Variants in TSPAN16 observed in about 807,000 individuals in gnomAD.
The protein encoded by TSPAN16 is tetraspanin 16.
Under a neutral mutation model 25.2 loss-of-function variants are expected in TSPAN16, and 23 were observed. The ratio of observed to expected loss-of-function variants is 0.91; its 90% CI spans 0.66 to 1.29. TSPAN16 has a LOEUF of 1.29. TSPAN16 is among the 50% of genes most tolerant of loss of function. The pLI is 0.00. For synonymous variants in TSPAN16, 123 were observed against 124.4 expected (o/e 0.99, Z 0.08); for missense variants, 272 against 299.9 (o/e 0.91, Z 0.69).
chr19:11,325,462 C>T (rs770656530), intron 6 of TSPAN16: 6 of 1,612,044 alleles, frequency 3.7e-6, no homozygotes, highest in Non-Finnish European at 8.5e-7. Flanking sequence ...TTTCCCGTTG[C>T]TGCCTGAGCT....
intron 6 of TSPAN16, among the ~76,000 whole-genome samples, chr19:11,313,949 TA>T (rs1254922487): frequency 6.6e-5 from 10 of 152,278 alleles, no homozygotes; most frequent in African/African-American, 2.2e-4. Flanking sequence ...AAAAAGTAGA[TA>T]AAACCCAAAT....
chr19:11,316,039 G>T, downstream of TSPAN16: 1 of 941,030 alleles, frequency 1.1e-6, no homozygotes, highest in Non-Finnish European at 1.4e-6. Context: ...CTGAATGAGA[G>T]ACTATGCCCT....
At chr19:11,307,409 C>T (rs2080641415) in intron 5 of TSPAN16, among the ~76,000 whole-genome samples, 1 of 151,450 alleles carries the variant, frequency 6.6e-6, no homozygotes, top group Non-Finnish European at 1.5e-5. Flanking sequence ...CATGAGCCAC[C>T]ACACCCGGCC....
chr19:11,325,545 A>G (rs12981706), intron 6 of TSPAN16: 59,732 of 1,613,384 alleles, frequency 0.037, 1,784 homozygotes, highest in African/African-American at 0.15. Flanking sequence ...CCTGCTTCAC[A>G]TTGATGTTCT....
chr19:11,306,709 G>GTGTCC lies in TSPAN16; in HGVS notation c.560_564dup (p.Asp189ProfsTer22), dbSNP rs1285582410. On this transcript the variant is annotated frameshift_variant, in exon 5 of 7. Transcript: ENST00000590327. LOFTEE classifies it high-confidence loss of function. Reference sequence around the variant, plus strand: ...GAGTTGCTGTAAATCCATCGGAAGTGTGTCCTGTGACGGACGCGATGTGTC... The same window carrying GTGTCC: ...GAGTTGCTGTAAATCCATCGGAAGTGTGTCCTGTCCTGTGACGGACGCGATGTGTC... The GTGTCC allele has an allele frequency of 1.2e-6, 2 of 1,613,984 alleles. No homozygotes were observed. The highest frequency in any genetic ancestry group is 8.5e-7 in the Non-Finnish European group (1 of 1,180,040).
At chr19:11,302,563 G>A (rs2080565280) in intron 4 of TSPAN16, among the ~76,000 whole-genome samples, 1 of 138,966 alleles carries the variant, frequency 7.2e-6, no homozygotes, top group Admixed American at 7.5e-5. Flanking sequence ...GGATTTGCTA[G>A]ATTCTATGGC....
intron 5 of TSPAN16, chr19:11,306,970 C>G (rs2080635371): frequency 2.0e-6 from 1 of 496,316 alleles, no homozygotes; most frequent in South Asian, 2.5e-5. Flanking sequence ...CATGCACCGC[C>G]ACACCCGGCT....
rs533480397 is a variant in TSPAN16, at chr19:11,325,587, T to C, written c.688-1207T>C. ...CACTGGCTTCAAAGAACTCGAAACCTGGATGAATGTTAAGGTGGGGACACT... is the reference window on the plus strand; with the variant it reads ...CACTGGCTTCAAAGAACTCGAAACCCGGATGAATGTTAAGGTGGGGACACT... On this transcript the variant is annotated intron_variant, in intron 6 of 6. Transcript: ENST00000316737. 3.7e-6 allele frequency: 6 copies of C among 1,601,854 alleles called. No individual in the cohort carries two copies. In the African/African-American group the frequency reaches 4.1e-5, roughly 11 times the overall value.
rs563594132 is a variant in TSPAN16, at chr19:11,306,724, C to T, written c.571C>T (p.Arg191Cys). The stretch of plus-strand genomic sequence containing the variant: ...CATCGGAAGTGTGTCCTGTGACGGA[C>T]GCGATGTGTCTCCAAACGTCATCCA... ...KSIGSVSCDGRDVSPNVIHQK... is the reference protein window; with the variant it reads ...KSIGSVSCDGCDVSPNVIHQK... The change falls in exon 5 of 7, where the codon CGC (arginine) becomes TGC (cysteine). Residue 191 changes from arginine to cysteine, a missense_variant. Transcript: ENST00000590327. The T allele has an allele frequency of 1.5e-5, 25 of 1,613,968 alleles. No individual in the cohort carries two copies. The highest frequency in any genetic ancestry group is 2.1e-5 in the Non-Finnish European group (25 of 1,180,050).
intron 4 of TSPAN16, among the ~76,000 whole-genome samples, chr19:11,301,720 G>A (rs2080552142): frequency 6.6e-6 from 1 of 152,026 alleles, no homozygotes; most frequent in African/African-American, 2.4e-5. Flanking sequence ...AGGATCACTT[G>A]AGTCCAGGAA....
At chr19:11,318,485 A>AAG (rs2080760454), downstream of TSPAN16, among the ~76,000 whole-genome samples, 1 of 151,352 alleles carries the variant, frequency 6.6e-6, no homozygotes, top group Non-Finnish European at 1.5e-5. Context: ...AATTTAATTG[A>AAG]ACTGGGCTGT....
intron 4 of TSPAN16, among the ~76,000 whole-genome samples, chr19:11,301,587 T>C (rs1021506068): frequency 1.3e-5 from 2 of 150,374 alleles, no homozygotes; most frequent in Non-Finnish European, 3.0e-5. Context: ...TTGCAGTGAG[T>C]TGAGATGGCA....
intron 6 of TSPAN16, chr19:11,321,411 C>T (rs1000853154): frequency 6.6e-6 from 1 of 152,140 alleles, no homozygotes; most frequent in Non-Finnish European, 1.5e-5. Context: ...GGGGGAACCG[C>T]CCCCAGGATT....
In TSPAN16 at chr19:11,310,318, G is replaced by A. The variant is rs189598873; in HGVS notation, c.604-1821G>A. On this transcript the variant is annotated intron_variant, in intron 5 of 6. Coordinates refer to ENST00000590327, the MANE Select transcript of TSPAN16 (RefSeq NM_001282509.2). ...AGGTGTGTGGATCACCTGAGGTCAG[G>A]AGTTCACCAACATGGTGAAACCCCC... Among the ~76,000 whole-genome samples, 718 of 151,946 alleles carry A rather than the reference G, an allele frequency of 4.7e-3. 9 individuals carry two copies. The highest frequency in any genetic ancestry group is 0.026 in the Admixed American group (399 of 15,208).
At chr19:11,298,363 C>A in intron 2 of TSPAN16, 24 bp downstream of exon 2, 1 of 1,605,648 alleles carries the variant, frequency 6.2e-7, no homozygotes, top group Non-Finnish European at 8.5e-7. Context: ...GCACACAGAC[C>A]CCAGAACTGC....
downstream of TSPAN16, among the ~76,000 whole-genome samples, chr19:11,320,534 G>A (rs1207622077): frequency 6.6e-6 from 1 of 152,078 alleles, no homozygotes; most frequent in Non-Finnish European, 1.5e-5. Flanking sequence ...TCAGCTGGAT[G>A]TGGTGGTGCT....
Position 11,301,321 on chromosome 19 carries a change from T to TA in TSPAN16, c.450+25dup, listed in dbSNP as rs549335631. The TA allele has an allele frequency of 0.05, 56,691 of 1,142,984 alleles. 23 individuals carry two copies. Among genetic ancestry groups the TA allele is most frequent in the Non-Finnish European group, 0.055 (46,271 of 836,714 alleles). The allele number at this position is 1,142,984 out of a possible 1,614,324, so 70.8% of individuals were successfully genotyped here. On this transcript the variant is annotated intron_variant, in intron 4 of 6. Coordinates refer to ENST00000590327, the MANE Select transcript of TSPAN16 (RefSeq NM_001282509.2). Reference sequence around the variant, plus strand: ...GGTCATGGAGAAGGTGAGGCTTACTTAAAAAAAAAAAATTGTGGTGTAAAG... The same window carrying TA: ...GGTCATGGAGAAGGTGAGGCTTACTTAAAAAAAAAAAAATTGTGGTGTAAAG...
chr19:11,318,413 G>A (rs1051210841), downstream of TSPAN16, among the ~76,000 whole-genome samples: 1 of 152,024 alleles, frequency 6.6e-6, no homozygotes, highest in Non-Finnish European at 1.5e-5. Flanking sequence ...GCCCGCCTCA[G>A]CCTCCCAAAG....
chr19:11,322,520 G>A (rs145220050), intron 6 of TSPAN16: 8 of 152,212 alleles, frequency 5.3e-5, no homozygotes, highest in African/African-American at 1.7e-4. Context: ...GTTTTCCCAC[G>A]GCCTTTGGTT....
Sources: allele counts gnomAD v4.1 joint callset (sites outside exome capture counted in the v4.1 genomes callset), GRCh38; gene constraint gnomAD v4.1.1; transcripts MANE v1.5; gene names NCBI Gene and HGNC (gene_info 2026-07-23, HGNC 2026-07-21).